Variants in BLNK observed in about 807,000 individuals in gnomAD.
The protein encoded by BLNK is B cell linker.
BLNK carries 29 observed loss-of-function variants against 73.5 expected under a neutral mutation model. That is an observed-to-expected ratio of 0.39 (90% CI 0.29 to 0.54). BLNK has a LOEUF of 0.54. Among genes scored for constraint, BLNK ranks in the 20% least tolerant of loss-of-function variants. BLNK has a pLI of 0.61. For synonymous variants in BLNK, 176 were observed against 200.8 expected (o/e 0.88, Z 1.04); for missense variants, 460 against 562.8 (o/e 0.82, Z 1.85).
intron 1 of BLNK, among the ~76,000 whole-genome samples, chr10:96,256,410 A>G (rs1843512447): frequency 6.6e-6 from 1 of 152,226 alleles, no homozygotes; most frequent in Non-Finnish European, 1.5e-5. Flanking sequence ...TTAAAAATAA[A>G]AAAATTAATG....
At chr10:96,198,573 C>T (rs1311959285) in intron 15 of BLNK, among the ~76,000 whole-genome samples, 1 of 152,214 alleles carries the variant, frequency 6.6e-6, no homozygotes, top group Non-Finnish European at 1.5e-5. Flanking sequence ...TCAGACTTCT[C>T]AAGAGCTTCA....
intron 6 of BLNK, among the ~76,000 whole-genome samples, chr10:96,220,159 C>T (rs2084162499): frequency 6.6e-6 from 1 of 152,206 alleles, no homozygotes; most frequent in Non-Finnish European, 1.5e-5. Context: ...CTGTGGTCCA[C>T]CTCAGGCTTG....
rs1554893536 is a variant in BLNK at position 96,191,992 on chromosome 10, T to C, written c.1352A>G (p.Tyr451Cys). The C allele has an allele frequency of 2.5e-6, 4 of 1,613,784 alleles. No individual in the cohort carries two copies. The highest frequency in any genetic ancestry group is 1.1e-5 in the South Asian group (1 of 91,068). The change falls in exon 17 of 17, where the codon TAT becomes TGT. Residue 451 changes from tyrosine (Y) to cysteine (C), a missense_variant. By Grantham distance (194) the Tyr-to-Cys change is radical (BLOSUM62 -2). Around this residue, in one of 3 missense-constraint regions of BLNK, gnomAD observed 88 missense variants for 143.4 expected, o/e 0.61. Coordinates refer to ENST00000224337, the MANE Select transcript of BLNK (RefSeq NM_013314.4). ...CCCCCTTTATGAAACTTTAACTGCA[T>C]ACTTCAGTCTGGTGGAATCTTTTGT... Reference protein sequence around the residue: ...NNTKDSTRLKYAVKVS With the variant: ...NNTKDSTRLKCAVKVS
intron 8 of BLNK, among the ~76,000 whole-genome samples, chr10:96,213,299 A>G (rs192088885): frequency 1.1e-4 from 16 of 152,356 alleles, no homozygotes; most frequent in Admixed American, 1.0e-3. Flanking sequence ...GGCCAGGTAA[A>G]GCCTCCTGAG....
At chr10:96,227,865 A>C (rs969669540) in intron 4 of BLNK, among the ~76,000 whole-genome samples, 1 of 152,208 alleles carries the variant, frequency 6.6e-6, no homozygotes, top group Non-Finnish European at 1.5e-5. Context: ...ATAATAAAAC[A>C]TATTTTTAAA....
chr10:96,249,861 C>G (rs959397790), intron 1 of BLNK, among the ~76,000 whole-genome samples: 2 of 152,198 alleles, frequency 1.3e-5, no homozygotes, highest in Admixed American at 1.3e-4. Context: ...CCGGCCTCAG[C>G]TGGGCCTTGG....
intron 6 of BLNK, among the ~76,000 whole-genome samples, chr10:96,221,272 T>C (rs1236634170): frequency 1.3e-5 from 2 of 152,242 alleles, no homozygotes; most frequent in Non-Finnish European, 2.9e-5. Flanking sequence ...TCTCTCATTA[T>C]AGCACAGATG....
intron 15 of BLNK, among the ~76,000 whole-genome samples, 193 bp from the exon 16 acceptor site, chr10:96,197,256 A>G (rs1305416806): frequency 6.6e-6 from 1 of 152,184 alleles, no homozygotes; most frequent in East Asian, 1.9e-4. Flanking sequence ...ATATACTCAT[A>G]GAAAATCCTG....
At chr10:96,242,452 A>G (rs1395857076) in intron 3 of BLNK, among the ~76,000 whole-genome samples, 4 of 152,226 alleles carry the variant, frequency 2.6e-5, no homozygotes, top group African/African-American at 7.2e-5. Flanking sequence ...TGTATAGTCT[A>G]TCTTTAACTT....
intron 3 of BLNK, among the ~76,000 whole-genome samples, chr10:96,233,021 G>A (rs1206691712): frequency 6.6e-6 from 1 of 152,066 alleles, no homozygotes; most frequent in Non-Finnish European, 1.5e-5. Flanking sequence ...GCCCAGGCTG[G>A]TCTTGAACTC....
chr10:96,234,578 C>T (rs7900155), intron 3 of BLNK, among the ~76,000 whole-genome samples: 107,719 of 152,070 alleles, frequency 0.71, 40,883 homozygotes, highest in Non-Finnish European at 0.84. Context: ...TTTCCTCACC[C>T]GTAAAGCAAG....
intron 7 of BLNK, 149 bp from the exon 8 acceptor site, chr10:96,215,538 C>A: frequency 1.6e-6 from 1 of 618,924 alleles, no homozygotes; most frequent in South Asian, 2.5e-5. Context: ...TTATTAGACA[C>A]ACAAACCAAT....
chr10:96,213,522 G>C (rs782643796), intron 8 of BLNK, among the ~76,000 whole-genome samples: 3 of 152,170 alleles, frequency 2.0e-5, no homozygotes, highest in Non-Finnish European at 4.4e-5. Flanking sequence ...AGTAGGATTA[G>C]GTGTCCTAAA....
intron 2 of BLNK, among the ~76,000 whole-genome samples, chr10:96,243,031 T>TAA (rs1842929119): frequency 6.6e-6 from 1 of 152,146 alleles, no homozygotes; most frequent in African/African-American, 2.4e-5. Context: ...TGAAGTCAGG[T>TAA]GGAGAAGGGC....
chr10:96,199,488 G>A (rs1346608533), intron 15 of BLNK: 4 of 461,690 alleles, frequency 8.7e-6, no homozygotes, highest in African/African-American at 7.9e-5. Context: ...CTCCCCTGGA[G>A]CTTTCTCGTC....
At chr10:96,215,524 AC>A in intron 7 of BLNK, 135 bp from the exon 8 acceptor site, 2 of 700,880 alleles carry the variant, frequency 2.9e-6, no homozygotes, top group Non-Finnish European at 4.7e-6. Context: ...AATGGGAGAC[AC>A]CCTTATTAGA....
At chr10:96,199,931 T>G (rs781797610) in intron 15 of BLNK, 144 bp downstream of exon 15, 57 of 425,330 alleles carry the variant, frequency 1.3e-4, no homozygotes, top group Non-Finnish European at 1.6e-4. Flanking sequence ...GGCTGAGGCA[T>G]GAGAATCACT....
chr10:96,237,049 T>G (rs1842716035), intron 3 of BLNK, among the ~76,000 whole-genome samples: 1 of 152,140 alleles, frequency 6.6e-6, no homozygotes, highest in Admixed American at 6.5e-5. Flanking sequence ...CTTCAGGAAT[T>G]TCTAAGCTTT....
chr10:96,204,905 G>T, intron 11 of BLNK: 1 of 388,204 alleles, frequency 2.6e-6, no homozygotes, highest in Non-Finnish European at 4.9e-6. Context: ...AACTTTAAGT[G>T]TGTGAGTATA....
Sources: allele counts gnomAD v4.1 joint callset (sites outside exome capture counted in the v4.1 genomes callset), GRCh38; gene constraint gnomAD v4.1.1; regional missense constraint gnomAD v4.1.1; transcripts MANE v1.5; gene names NCBI Gene and HGNC (gene_info 2026-07-23, HGNC 2026-07-21).